Variants in SS18L1 observed in about 807,000 individuals in gnomAD.
The protein encoded by SS18L1 is calcium-responsive transactivator.
Under a neutral mutation model 70.3 loss-of-function variants are expected in SS18L1, and 32 were observed. The observed-to-expected ratio is 0.46, with a 90% CI of 0.34 to 0.61. The LOEUF is 0.61. Ranked by LOEUF, SS18L1 falls within the 20% of genes least tolerant of loss-of-function variation. The pLI, the probability that SS18L1 is intolerant of heterozygous loss-of-function variation, is 0.01. For synonymous variants in SS18L1, 237 were observed against 229.7 expected (o/e 1.03, Z -0.29); for missense variants, 430 against 542.1 (o/e 0.79, Z 2.05).
In SS18L1 at chr20:62,164,228, C is replaced by T. The variant is rs1301943298; in HGVS notation, c.805C>T (p.Gln269Ter). The T allele has an allele frequency of 6.5e-7, 1 of 1,549,508 alleles. No homozygotes were observed. Among genetic ancestry groups the T allele is most frequent in the Non-Finnish European group, 8.7e-7 (1 of 1,146,640 alleles). ...CCAGGGCGCCGCGGAGCCCATGGGC[C>T]AGCAGTACTACCCCGACGGTGAGCA... Reference protein sequence around the residue: ...HSQGAAEPMGQQYYPDGHGDY... With the variant: ...HSQGAAEPMG The change falls in exon 7 of 11, where the codon CAG (glutamine) becomes TAG (stop). Residue 269 changes from glutamine (Q) to a stop codon, truncating the protein, a stop_gained. Transcript: ENST00000331758. LOFTEE classifies it high-confidence loss of function.
intron 1 of SS18L1, among the ~76,000 whole-genome samples, chr20:62,145,250 C>A (rs1290821609): frequency 1.3e-5 from 2 of 152,204 alleles, no homozygotes; most frequent in African/African-American, 2.4e-5. Flanking sequence ...ACTGGCATCC[C>A]GTTTAATAGC....
chr20:62,164,547 T>C (rs189777390), intron 7 of SS18L1, among the ~76,000 whole-genome samples: 109 of 152,296 alleles, frequency 7.2e-4, no homozygotes, highest in African/African-American at 2.6e-3. Context: ...AGGCGGATAA[T>C]TGTAGCTCCT....
At position 62,159,979 on chromosome 20, in the gene SS18L1, G is replaced by A. The variant is rs768982324; in HGVS notation, c.231+18G>A. On this transcript the variant is annotated intron_variant, in intron 3 of 10. Coordinates refer to ENST00000331758, the MANE Select transcript of SS18L1 (RefSeq NM_198935.3). This position sits in a 1 kb window ranked among gnomAD's most constrained non-coding sequence, Gnocchi z 4.4. ...TTCCTGCCGTGAGTACCCACGGGGG[G>A]TTGGCCTCCTTTACCCAGCAAGGAC... 5 of 1,606,124 alleles carry A rather than the reference G, an allele frequency of 3.1e-6. No individual in the cohort carries two copies. In the East Asian group the frequency reaches 6.7e-5, roughly 22 times the overall value.
chr20:62,169,370 G>A (rs937373402), intron 8 of SS18L1, among the ~76,000 whole-genome samples: 17 of 152,252 alleles, frequency 1.1e-4, no homozygotes, highest in African/African-American at 4.1e-4. Context: ...TAGGGCTCAG[G>A]CAGTCCAGAG....
Position 62,158,783 on chromosome 20 carries a change from G to T in SS18L1, c.146+35G>T. The T allele has an allele frequency of 6.2e-7, 1 of 1,612,914 alleles. No homozygotes were observed. Among genetic ancestry groups the T allele is most frequent in the East Asian group, 2.2e-5 (1 of 44,870 alleles). ...CGCCATACACCGGAACACTTGGAGG[G>T]TGTCATGCAGAGTCTAAGCACAGAG... On this transcript the variant is annotated intron_variant, in intron 2 of 10. Transcript: ENST00000331758. This position sits in a 1 kb window ranked among gnomAD's most constrained non-coding sequence, Gnocchi z 4.5.
At chr20:62,154,593 C>A in intron 1 of SS18L1, 1 of 971,260 alleles carries the variant, frequency 1.0e-6, no homozygotes, top group Non-Finnish European at 1.2e-6. Context: ...CTCCGGAAGT[C>A]TCCGTGAGGT....
At chr20:62,146,608 T>TTTTTTTTTTTTTTTTTTG in intron 1 of SS18L1, among the ~76,000 whole-genome samples, 1 of 128,598 alleles carries the variant, frequency 7.8e-6, no homozygotes, top group South Asian at 2.8e-4. Flanking sequence ...TTTGATCATT[T>TTTTTTTTTTTTTTTTTTG]TTTTTTTTTT....
Position 62,164,282 on chromosome 20 carries a change from C to T in SS18L1, c.823+36C>T, listed in dbSNP as rs928902334. The T allele has an allele frequency of 1.2e-5, 19 of 1,532,694 alleles. No individual in the cohort carries two copies. The African/African-American group carries it at 1.4e-4, about 11-fold the overall frequency. The allele number at this position is 1,532,694 out of a possible 1,614,324, so 94.9% of individuals were successfully genotyped here. On this transcript the variant is annotated intron_variant, in intron 7 of 10. Coordinates refer to ENST00000331758, the MANE Select transcript of SS18L1 (RefSeq NM_198935.3). ...GCGGCGGCCTGACCCCGCCCAGGAACGCAGAGCAGCTGCAGGGGCAAGGAG... is the reference window on the plus strand; with the variant it reads ...GCGGCGGCCTGACCCCGCCCAGGAATGCAGAGCAGCTGCAGGGGCAAGGAG...
Position 62,166,648 on chromosome 20 carries a change from G to A in SS18L1, c.916+1134G>A, listed in dbSNP as rs1396246026. On this transcript the variant is annotated intron_variant, in intron 8 of 10. Transcript: ENST00000331758. The stretch of plus-strand genomic sequence containing the variant: ...AAAGTTTAAAAGAAGAAAGAGCCTA[G>A]GTGTTGTGGCTCACGCCTATAATCC... 1.3e-5 allele frequency among the ~76,000 whole-genome samples: 2 copies of A among 151,840 alleles called. 1 individual carries two copies. The highest frequency in any genetic ancestry group is 4.9e-5 in the African/African-American group (2 of 41,160).
intron 10 of SS18L1, among the ~76,000 whole-genome samples, chr20:62,176,234 G>A (rs956876142): frequency 2.0e-5 from 3 of 152,236 alleles, no homozygotes; most frequent in South Asian, 4.1e-4. Flanking sequence ...TGAAAAGACC[G>A]TGACCGGTCG....
chr20:62,172,328 GAA>G lies in SS18L1; in HGVS notation c.917-339_917-338del, dbSNP rs59726721. On this transcript the variant is annotated intron_variant, in intron 8 of 10. Transcript: ENST00000331758. ...GGTCCCAGAGCGAGGCCCTGTCTCT[GAA>G]AAAAAAAAAAAAAATTATATCTGCA... Among the ~76,000 whole-genome samples, 38 of 137,112 alleles carry G rather than the reference GAA, an allele frequency of 2.8e-4. 1 individual carries two copies. The highest frequency in any genetic ancestry group is 1.4e-3 in the South Asian group (6 of 4,320). The allele number at this position is 137,112 out of a possible 152,430, so 90.0% of individuals were successfully genotyped here. A position where few individuals can be genotyped will look rare whatever the true frequency, so the allele number is the denominator to read the frequency against.
At chr20:62,167,867 G>T (rs988213436) in intron 8 of SS18L1, among the ~76,000 whole-genome samples, 1 of 151,430 alleles carries the variant, frequency 6.6e-6, no homozygotes, top group Non-Finnish European at 1.5e-5. Context: ...CTAGGCTGGA[G>T]TGCAGTGGCC....
intron 10 of SS18L1, among the ~76,000 whole-genome samples, 181 bp from the exon 11 acceptor site, chr20:62,179,001 C>T (rs975103405): frequency 2.0e-5 from 3 of 152,200 alleles, no homozygotes; most frequent in Non-Finnish European, 2.9e-5. Context: ...GCCCTGTCTA[C>T]GTTGTTAGCC....
intron 8 of SS18L1, among the ~76,000 whole-genome samples, chr20:62,165,838 G>C (rs2057419482): frequency 6.6e-6 from 1 of 152,196 alleles, no homozygotes; most frequent in Non-Finnish European, 1.5e-5. Context: ...TGCTGGGGTT[G>C]GGGACACAGA....
chr20:62,153,081 T>C (rs1423237912), intron 1 of SS18L1, among the ~76,000 whole-genome samples: 2 of 152,064 alleles, frequency 1.3e-5, no homozygotes, highest in Non-Finnish European at 2.9e-5. Context: ...TCAGGAAACT[T>C]AGAATCATGG....
intron 9 of SS18L1, among the ~76,000 whole-genome samples, chr20:62,173,127 G>A (rs963915055): frequency 6.6e-6 from 1 of 152,218 alleles, no homozygotes; most frequent in Admixed American, 6.5e-5. Context: ...TTGCCCACGT[G>A]GCCTGTGACG....
At chr20:62,171,912 T>C (rs1453712229) in intron 8 of SS18L1, among the ~76,000 whole-genome samples, 3 of 152,100 alleles carry the variant, frequency 2.0e-5, no homozygotes, top group Admixed American at 6.5e-5. Context: ...CCTGTAATCC[T>C]AGCACTTTAG....
In SS18L1 at chr20:62,179,601, AT is replaced by A; in HGVS notation, c.*397del. The stretch of plus-strand genomic sequence containing the variant: ...TTCCCGTCAACAGACGTTAGGTCTC[AT>A]TTTCCTCCTCATGCAGTGTTGTAGT... On this transcript the variant is annotated 3_prime_UTR_variant, in exon 11 of 11. Coordinates refer to ENST00000331758, the MANE Select transcript of SS18L1 (RefSeq NM_198935.3). 1 of 292,002 alleles carries A rather than the reference AT, an allele frequency of 3.4e-6. No individual in the cohort carries two copies. Among genetic ancestry groups the A allele is most frequent in the Non-Finnish European group, 6.5e-6 (1 of 153,668 alleles). The allele number at this position is 292,002 out of a possible 1,614,324, so 18.1% of individuals were successfully genotyped here. A position where few individuals can be genotyped will look rare whatever the true frequency, so the allele number is the denominator to read the frequency against.
chr20:62,171,047 T>G (rs2057522888), intron 8 of SS18L1, among the ~76,000 whole-genome samples: 2 of 151,340 alleles, frequency 1.3e-5, no homozygotes, highest in South Asian at 2.1e-4. Context: ...GACTACAGGC[T>G]CCCGCCACCA....
Sources: gnomAD v4.1 joint callset for allele counts (sites outside exome capture counted in the v4.1 genomes callset) on GRCh38, gnomAD v4.1.1 for gene constraint, Gnocchi (gnomAD v3.1) non-coding constraint, MANE v1.5 for transcripts, NCBI Gene and HGNC (gene_info 2026-07-23, HGNC 2026-07-21) for gene names.